DCUN1D3: variants seen among roughly 807,000 people sequenced by gnomAD.
The protein encoded by DCUN1D3 is DCN1-like protein 3.
A neutral mutation model predicts 24.8 loss-of-function variants in DCUN1D3; 6 were observed. The ratio of observed to expected loss-of-function variants is 0.24; its 90% confidence interval spans 0.13 to 0.48. The LOEUF is 0.48. Among genes scored for constraint, DCUN1D3 ranks in the 20% least tolerant of loss-of-function variants. The pLI is 0.99. For synonymous variants in DCUN1D3, 120 were observed against 144.9 expected (o/e 0.83, Z 1.24); for missense variants, 258 against 379.4 (o/e 0.68, Z 2.66).
intron 1 of DCUN1D3, among the ~76,000 whole-genome samples, chr16:20,890,661 C>T (rs2081888384): frequency 6.6e-6 from 1 of 152,090 alleles, no homozygotes; most frequent in African/African-American, 2.4e-5. Flanking sequence ...CAGGTGGGGT[C>T]TGTGCTAACT....
intron 1 of DCUN1D3, among the ~76,000 whole-genome samples, chr16:20,879,263 C>G (rs1190771948): frequency 6.6e-6 from 1 of 152,052 alleles, no homozygotes; most frequent in Non-Finnish European, 1.5e-5. Context: ...AAAATAGTAC[C>G]GGCTTGTTTA....
At chr16:20,879,090 GTT>G (rs2081829972) in intron 1 of DCUN1D3, among the ~76,000 whole-genome samples, 1 of 152,154 alleles carries the variant, frequency 6.6e-6, no homozygotes, top group African/African-American at 2.4e-5. Flanking sequence ...CTAGGAGGCT[GTT>G]TTATAAAAAC....
At chr16:20,878,458 GTT>G (rs2081827076) in intron 1 of DCUN1D3, among the ~76,000 whole-genome samples, 1 of 152,160 alleles carries the variant, frequency 6.6e-6, no homozygotes, top group South Asian at 2.1e-4. Context: ...ATGTCCAAGG[GTT>G]TACTGAAGCC....
intron 1 of DCUN1D3, among the ~76,000 whole-genome samples, chr16:20,879,755 A>C (rs761162451): frequency 1.3e-5 from 2 of 152,258 alleles, no homozygotes; most frequent in Non-Finnish European, 2.9e-5. Flanking sequence ...ATTTCTGGGT[A>C]TCATAAATTA....
intron 1 of DCUN1D3, among the ~76,000 whole-genome samples, chr16:20,865,246 A>G (rs949274399): frequency 6.6e-5 from 10 of 152,080 alleles, no homozygotes; most frequent in African/African-American, 2.4e-4. Flanking sequence ...ATAGAAAAAC[A>G]AAAGAAGGAC....
At chr16:20,873,150 C>G (rs2081797762) in intron 1 of DCUN1D3, among the ~76,000 whole-genome samples, 2 of 151,486 alleles carry the variant, frequency 1.3e-5, no homozygotes, top group Non-Finnish European at 2.9e-5. Flanking sequence ...ACTAACCAAT[C>G]CAATGATCCA....
chr16:20,877,322 G>C (rs1221934131), intron 1 of DCUN1D3, among the ~76,000 whole-genome samples: 1 of 151,764 alleles, frequency 6.6e-6, no homozygotes. Context: ...CTCAGTTCAC[G>C]TGCTGACATG....
rs114752981 is a variant in DCUN1D3, at chr16:20,884,090, C to T, written c.-106+16114G>A. Among the ~76,000 whole-genome samples, 691 of 152,238 alleles carry T rather than the reference C, an allele frequency of 4.5e-3. 6 individuals are homozygous for T. Among genetic ancestry groups the T allele is most frequent in the African/African-American group, 0.015 (640 of 41,542 alleles). ...AAGAATGGCTTGTAAAGGTACTGAC[C>T]TCTGCCACTATGTTGTACATCTTTC... On this transcript the variant is annotated intron_variant, in intron 1 of 2. Transcript: ENST00000324344.
At chr16:20,886,178 G>C (rs1394016896) in intron 1 of DCUN1D3, among the ~76,000 whole-genome samples, 1 of 151,354 alleles carries the variant, frequency 6.6e-6, no homozygotes, top group African/African-American at 2.4e-5. Flanking sequence ...CAATTTGCTT[G>C]AGTTAGTCAA....
At chr16:20,876,020 C>G (rs1190997578) in intron 1 of DCUN1D3, among the ~76,000 whole-genome samples, 3 of 152,030 alleles carry the variant, frequency 2.0e-5, no homozygotes, top group Non-Finnish European at 4.4e-5. Flanking sequence ...CGCTGGAGTG[C>G]AGTGGCATGA....
intron 1 of DCUN1D3, chr16:20,869,086 T>A (rs1187464466): frequency 6.6e-6 from 1 of 152,658 alleles, no homozygotes; most frequent in Non-Finnish European, 1.5e-5. Flanking sequence ...GGCTGCCTGG[T>A]CCTAGGCCTG....
chr16:20,857,932 G>GT lies in DCUN1D3; in HGVS notation c.*1953dup, dbSNP rs1355993237. On this transcript the variant is annotated 3_prime_UTR_variant, in exon 3 of 3. Transcript: ENST00000324344. The stretch of plus-strand genomic sequence containing the variant: ...ATCCTTAAGATGGGAGCCCAGAGCT[G>GT]TAAGGCTGCTCACAATGGAACTCAA... 5 of 152,532 alleles carry GT rather than the reference G, an allele frequency of 3.3e-5. No individual in the cohort carries two copies. The highest frequency in any genetic ancestry group is 1.2e-4 in the African/African-American group (5 of 41,430). 9.4% of individuals were successfully genotyped at this position (152,532 alleles called of 1,614,324 possible). A position where few individuals can be genotyped will look rare whatever the true frequency, so the allele number is the denominator to read the frequency against.
chr16:20,871,334 A>C (rs2081787079), intron 1 of DCUN1D3, among the ~76,000 whole-genome samples: 1 of 152,234 alleles, frequency 6.6e-6, no homozygotes, highest in Non-Finnish European at 1.5e-5. Context: ...TACATCAACC[A>C]ATCTCAAAAG....
chr16:20,888,750 C>G (rs941061459), intron 1 of DCUN1D3, among the ~76,000 whole-genome samples: 1 of 152,214 alleles, frequency 6.6e-6, no homozygotes, highest in African/African-American at 2.4e-5. Flanking sequence ...GCCACCATGC[C>G]TGGCCCACTA....
intron 1 of DCUN1D3, among the ~76,000 whole-genome samples, chr16:20,867,465 G>A (rs1250970280): frequency 6.6e-6 from 1 of 152,170 alleles, no homozygotes; most frequent in Non-Finnish European, 1.5e-5. Flanking sequence ...TGCCCTAAAC[G>A]TGTGACGTTT....
chr16:20,896,402 A>G (rs1334995330), intron 1 of DCUN1D3: 1 of 152,170 alleles, frequency 6.6e-6, no homozygotes, highest in East Asian at 1.9e-4. Context: ...TAAGAAATAA[A>G]TCCACTGGTA....
chr16:20,884,675 T>C (rs1337627445), intron 1 of DCUN1D3, among the ~76,000 whole-genome samples: 3 of 152,166 alleles, frequency 2.0e-5, no homozygotes, highest in African/African-American at 7.2e-5. Flanking sequence ...ACCTTGCCAA[T>C]GTGCCCAATG....
chr16:20,880,083 CTAAGA>C (rs924285836), intron 1 of DCUN1D3, among the ~76,000 whole-genome samples: 3 of 152,134 alleles, frequency 2.0e-5, no homozygotes, highest in Non-Finnish European at 4.4e-5. Context: ...TTTTAAGTGC[CTAAGA>C]TGACATTTTA....
intron 2 of DCUN1D3, among the ~76,000 whole-genome samples, chr16:20,861,749 C>CA (rs34792031): frequency 0.22 from 25,963 of 115,900 alleles, 2,441 homozygotes; most frequent in African/African-American, 0.31. Flanking sequence ...CGTTATTCTG[C>CA]AAAAAAAAAA....
Sources: allele counts gnomAD v4.1 joint callset (sites outside exome capture counted in the v4.1 genomes callset), GRCh38; gene constraint gnomAD v4.1.1; transcripts MANE v1.5; gene names NCBI Gene and HGNC (gene_info 2026-07-23, HGNC 2026-07-21).